Variants in PREPL observed in about 807,000 individuals in gnomAD.
PREPL encodes prolyl endopeptidase like.
PREPL carries 77 observed loss-of-function variants against 70.6 expected under a neutral mutation model. The ratio of observed to expected loss-of-function variants is 1.09; its 90% CI spans 0.91 to 1.32. The LOEUF is 1.32. PREPL is among the 40% of genes most tolerant of loss of function. The pLI is 0.00. For synonymous variants in PREPL, 315 were observed against 264.8 expected, an observed-to-expected ratio of 1.19 and a Z score of -1.84; for missense variants, 1,002 against 778.2, an observed-to-expected ratio of 1.29 and a Z score of -3.42.
At chr2:44,327,393 G>A (rs1673619900) in intron 9 of PREPL, among the ~76,000 whole-genome samples, 1 of 152,156 alleles carries the variant, frequency 6.6e-6, no homozygotes, top group Non-Finnish European at 1.5e-5. Flanking sequence ...CCATCTGCCA[G>A]GTGAGGGGTA....
chr2:44,336,301 A>C (rs1453938985), intron 7 of PREPL, among the ~76,000 whole-genome samples: 3 of 152,224 alleles, frequency 2.0e-5, no homozygotes, highest in African/African-American at 7.2e-5. Context: ...AATGTCCATC[A>C]ATGATAGACT....
chr2:44,350,643 T>C (rs545187191), intron 1 of PREPL, among the ~76,000 whole-genome samples: 3 of 152,220 alleles, frequency 2.0e-5, no homozygotes, highest in Non-Finnish European at 4.4e-5. Flanking sequence ...AACTGTTAAA[T>C]GAAGGAAACT....
At chr2:44,350,163 C>G (rs1002466383) in intron 1 of PREPL, among the ~76,000 whole-genome samples, 2 of 151,986 alleles carry the variant, frequency 1.3e-5, no homozygotes, top group African/African-American at 4.8e-5. Flanking sequence ...CAATCTTATT[C>G]TAAAATAAAA....
chr2:44,325,492 T>C (rs1207754346), intron 10 of PREPL, among the ~76,000 whole-genome samples: 1 of 152,190 alleles, frequency 6.6e-6, no homozygotes. Context: ...TTAGGGTTGA[T>C]TTTTGGTGCT....
At chr2:44,323,043 G>T (rs1404882788) in intron 11 of PREPL, among the ~76,000 whole-genome samples, 189 bp from the exon 12 acceptor site, 1 of 152,040 alleles carries the variant, frequency 6.6e-6, no homozygotes, top group Non-Finnish European at 1.5e-5. Flanking sequence ...GCCTTTTCTT[G>T]ACTAAAGGAC....
chr2:44,321,554 T>C, intron 13 of PREPL, 109 bp from the exon 14 acceptor site: 1 of 1,511,782 alleles, frequency 6.6e-7, no homozygotes, highest in Admixed American at 2.4e-5. Context: ...AGTCAGCAAT[T>C]TATGGCAAGA....
intron 1 of PREPL, chr2:44,359,716 G>A (rs1677456564): frequency 6.3e-7 from 1 of 1,593,062 alleles, no homozygotes; most frequent in African/African-American, 1.3e-5. Context: ...TCTGCTGCAT[G>A]ATATCAAAGT....
rs560481380 is a variant in PREPL at position 44,339,341 on chromosome 2, T to C, written c.508A>G (p.Thr170Ala). Residue 170 changes from threonine (T) to alanine (A), a missense_variant, in exon 6 of 14, where the codon ACA becomes GCA. Thr to Ala is a moderately conservative substitution (Grantham distance 58). Transcript: ENST00000409411. The stretch of plus-strand genomic sequence containing the variant: ...ATGGTGAGGAAACGACTGTCTTTTG[T>C]AAGATAAAGGAAAACAAAGTAGCTA... ...DPSYFVFLYL[T>A]KDSRFLTINI... The C allele has an allele frequency of 5.0e-5, 81 of 1,613,868 alleles. 1 individual carries two copies. Among genetic ancestry groups the C allele is most frequent in the Middle Eastern group, 1.7e-4 (1 of 6,058 alleles).
chr2:44,356,520 G>C (rs1677062563), intron 1 of PREPL, among the ~76,000 whole-genome samples: 1 of 149,560 alleles, frequency 6.7e-6, no homozygotes, highest in African/African-American at 2.5e-5. Flanking sequence ...ACTCCGGCCT[G>C]GGCAACAAAG....
intron 11 of PREPL, 68 bp from the exon 12 acceptor site, chr2:44,322,922 T>A (rs1019014470): frequency 6.5e-7 from 1 of 1,544,384 alleles, no homozygotes; most frequent in African/African-American, 1.4e-5. Flanking sequence ...ATAGAGACTA[T>A]GAAAAATAAT....
In PREPL at chr2:44,319,903, T is replaced by C. The variant is rs1325421539; in HGVS notation, c.*1453A>G. 2 of 336,622 alleles carry C rather than the reference T, an allele frequency of 5.9e-6. No individual in the cohort carries two copies. The highest frequency in any genetic ancestry group is 2.1e-5 in the African/African-American group (1 of 47,022). 20.9% of individuals were successfully genotyped at this position (336,622 alleles called of 1,614,324 possible). ...AAATATTCATCTTAGACATGGACAT[T>C]TGCTTTGGGACTCCTAAAGTGGAGT... On this transcript the variant is annotated 3_prime_UTR_variant, in exon 14 of 14. Transcript: ENST00000409411.
At chr2:44,361,754 A>C (rs903445071), upstream of PREPL, 1 of 495,102 alleles carries the variant, frequency 2.0e-6, no homozygotes, top group Middle Eastern at 5.6e-4. Flanking sequence ...GCCCTGCCAC[A>C]GCTCTCTCAT....
intron 1 of PREPL, among the ~76,000 whole-genome samples, chr2:44,353,331 C>A (rs565332736): frequency 6.6e-6 from 1 of 152,118 alleles, no homozygotes; most frequent in South Asian, 2.1e-4. Context: ...TGCCTGTAAT[C>A]CCAGCACTTT....
At chr2:44,358,111 A>C (rs1397532832) in intron 1 of PREPL, among the ~76,000 whole-genome samples, 1 of 152,222 alleles carries the variant, frequency 6.6e-6, no homozygotes, top group Non-Finnish European at 1.5e-5. Flanking sequence ...GAGAAAAATT[A>C]GATTGAAAAG....
At position 44,338,441 on chromosome 2, in the gene PREPL, A is replaced by C. The variant is rs750048724; in HGVS notation, c.798T>G (p.Phe266Leu). The change falls in exon 7 of 14, where the codon TTT (phenylalanine) becomes TTG (leucine). Residue 266 changes from phenylalanine to leucine, a missense_variant. Physicochemically the swap from Phe to Leu is conservative, Grantham distance 22. Coordinates refer to ENST00000409411, the MANE Select transcript of PREPL (RefSeq NM_001171613.2). ...TCAGAAATAGAACACAGTGATCCTT[A>C]AACATGTCCAAGTCTATCACTTTTG... ...RNTKVIDLDM[F>L]KDHCVLFLKH... The C allele has an allele frequency of 3.6e-5, 58 of 1,613,034 alleles. No homozygotes were observed. The highest frequency in any genetic ancestry group is 4.9e-5 in the Non-Finnish European group (58 of 1,179,442).
At position 44,347,463 on chromosome 2, in the gene PREPL, T is replaced by C. The variant is rs1432886203; in HGVS notation, c.-48-1073A>G. On this transcript the variant is annotated intron_variant, in intron 1 of 13. Coordinates refer to ENST00000409411, the MANE Select transcript of PREPL (RefSeq NM_001171613.2). ...AATAATAGAAAATAATGAACATGAG[T>C]GGAGATATAGATGAAAGCTAAATAA... is the stretch of plus-strand genomic sequence containing the variant. 3.3e-5 allele frequency: 5 copies of C among 152,034 alleles called. No homozygotes were observed. In the East Asian group the frequency reaches 9.7e-4, roughly 29 times the overall value. 9.4% of individuals were successfully genotyped at this position (152,034 alleles called of 1,614,324 possible). A position where few individuals can be genotyped will look rare whatever the true frequency, so the allele number is the denominator to read the frequency against.
At chr2:44,338,099 G>C (rs368739497) in intron 7 of PREPL, among the ~76,000 whole-genome samples, 2 of 152,142 alleles carry the variant, frequency 1.3e-5, no homozygotes, top group African/African-American at 4.8e-5. Flanking sequence ...AGAAATATTA[G>C]CACTCAACTC....
chr2:44,321,424 G>C lies in PREPL; in HGVS notation c.1849C>G (p.Leu617Val), dbSNP rs150477781. ...HKKITAQIKF[L>V]YEELGLDSTS... ...CTGTCAAGTCCAAGTTCCTCGTACA[G>C]GAATTTAATTTGGGCTGTAATCTAA... is the stretch of plus-strand genomic sequence containing the variant. Residue 617 changes from leucine (L) to valine (V), a missense_variant, in exon 14 of 14, where the codon CTG becomes GTG. Physicochemically the swap from Leu to Val is conservative, Grantham distance 32. Transcript: ENST00000409411. The C allele has an allele frequency of 2.5e-5, 40 of 1,612,646 alleles. No individual in the cohort carries two copies. In the African/African-American group the frequency reaches 4.9e-4, roughly 20 times the overall value.
rs1451491060 is a variant in PREPL at position 44,332,611 on chromosome 2, G to C, written c.934C>G (p.Pro312Ala). The C allele has an allele frequency of 1.2e-6, 2 of 1,613,816 alleles. No individual in the cohort carries two copies. The highest frequency in any genetic ancestry group is 1.7e-6 in the Non-Finnish European group (2 of 1,179,794). Residue 312 changes from proline (P) to alanine (A), a missense_variant, in exon 8 of 14, where the codon CCA becomes GCA. Pro to Ala is a conservative substitution (Grantham distance 27, BLOSUM62 -1). Transcript: ENST00000409411. ...CAAAGTTGAAAGGGGCAGTTCTTTG[G>C]GTCAGAATTTGTATCCATTATGAAT... ...CGFIMDTNSDPKNCPFQLCSP... is the reference protein window; with the variant it reads ...CGFIMDTNSDAKNCPFQLCSP...
Sources: allele counts gnomAD v4.1 joint callset (sites outside exome capture counted in the v4.1 genomes callset), GRCh38; gene constraint gnomAD v4.1.1; transcripts MANE v1.5; gene names NCBI Gene and HGNC (gene_info 2026-07-23, HGNC 2026-07-21).